Variants in DPP10 observed in about 807,000 individuals in gnomAD.
DPP10 encodes the protein dipeptidyl peptidase like 10, also known as inactive dipeptidyl peptidase 10.
DPP10 carries 33 observed loss-of-function variants against 120.9 expected under a neutral mutation model. The observed-to-expected ratio is 0.27, with a 90% confidence interval of 0.21 to 0.37. The LOEUF (loss-of-function observed/expected upper bound fraction) is 0.37. DPP10 is among the 10% of genes least tolerant of loss of function. The pLI, the probability that DPP10 is intolerant of heterozygous loss-of-function variation, is 1.00. For missense variants in DPP10, 816 were observed against 942.8 expected (o/e 0.87, Z 1.76); for synonymous variants, 337 against 326.1 (o/e 1.03, Z -0.36).
At position 115,489,967 on chromosome 2, in the gene DPP10, A is replaced by T. The variant is rs994874416; in HGVS notation, c.272-9543A>T. Reference sequence around the variant, plus strand: ...AACCCCCTTTAATCTTGATTCAAGCATTTATTTCTTCTGACTTCAAATATT... The same window carrying T: ...AACCCCCTTTAATCTTGATTCAAGCTTTTATTTCTTCTGACTTCAAATATT... On this transcript the variant is annotated intron_variant, in intron 3 of 25. Coordinates refer to ENST00000410059, the MANE Select transcript of DPP10 (RefSeq NM_020868.6). Among the ~76,000 whole-genome samples the T allele has an allele frequency of 1.3e-3, 193 of 152,254 alleles. 2 individuals are homozygous for T. Among genetic ancestry groups the T allele is most frequent in the African/African-American group, 4.6e-3 (190 of 41,566 alleles).
chr2:115,731,228 C>A lies in DPP10; in HGVS notation c.697+3292C>A, dbSNP rs140525490. Among the ~76,000 whole-genome samples, 142 of 152,124 alleles carry A rather than the reference C, an allele frequency of 9.3e-4. No individual in the cohort carries two copies. The East Asian group carries it at 0.019, about 20-fold the overall frequency. On this transcript the variant is annotated intron_variant, in intron 8 of 25. Transcript: ENST00000410059. ...CAAAAATTAGCTGGGCATGCTGGTG[C>A]GTACCTGTAATCCCAGCTACTCGGG...
intron 1 of DPP10, among the ~76,000 whole-genome samples, chr2:114,725,108 C>A (rs570002321): frequency 6.6e-6 from 1 of 152,130 alleles, no homozygotes; most frequent in Non-Finnish European, 1.5e-5. Context: ...CCTTTGAAAA[C>A]CTGCTTGTAA....
chr2:115,217,168 A>G (rs1338167910), intron 1 of DPP10, among the ~76,000 whole-genome samples: 1 of 152,188 alleles, frequency 6.6e-6, no homozygotes, highest in African/African-American at 2.4e-5. Flanking sequence ...ATAGGTTTTG[A>G]ACATTTTAGT....
chr2:115,657,619 A>G (rs74645473), intron 5 of DPP10, among the ~76,000 whole-genome samples: 7,329 of 151,868 alleles, frequency 0.048, 389 homozygotes, highest in African/African-American at 0.13. Context: ...CTTCTTCATA[A>G]TTTAAATTAA....
At chr2:115,576,736 C>T (rs2081685432) in intron 5 of DPP10, among the ~76,000 whole-genome samples, 1 of 152,006 alleles carries the variant, frequency 6.6e-6, no homozygotes, top group Non-Finnish European at 1.5e-5. Flanking sequence ...GCACATGTGC[C>T]GAAAGCCACT....
intron 1 of DPP10, among the ~76,000 whole-genome samples, chr2:115,233,457 A>G (rs531429070): frequency 1.7e-4 from 26 of 152,248 alleles, no homozygotes; most frequent in Middle Eastern, 3.4e-3. Context: ...TCTCCCTTCC[A>G]GTCTTTCCCT....
chr2:115,257,989 T>A (rs1392294593), intron 1 of DPP10, among the ~76,000 whole-genome samples: 1 of 152,190 alleles, frequency 6.6e-6, no homozygotes, highest in Non-Finnish European at 1.5e-5. Context: ...TTAAAATATA[T>A]GTACCGTTAT....
At chr2:115,211,189 T>C (rs2056486639) in intron 1 of DPP10, among the ~76,000 whole-genome samples, 3 of 152,052 alleles carry the variant, frequency 2.0e-5, no homozygotes, top group African/African-American at 7.2e-5. Context: ...CAAAATCTTT[T>C]TCTCAGAAAG....
At chr2:115,104,683 A>G (rs1433931119) in intron 1 of DPP10, among the ~76,000 whole-genome samples, 1 of 152,116 alleles carries the variant, frequency 6.6e-6, no homozygotes, top group Non-Finnish European at 1.5e-5. Context: ...TCAAAAATTT[A>G]CTTGATCTTC....
intron 1 of DPP10, chr2:115,161,749 G>T (rs1439661296): frequency 6.6e-6 from 3 of 454,424 alleles, no homozygotes; most frequent in South Asian, 3.9e-5. Context: ...GAGTCAGAGG[G>T]TCTGCGGTGG....
At chr2:115,184,523 C>A (rs926283697) in intron 1 of DPP10, among the ~76,000 whole-genome samples, 18 of 152,156 alleles carry the variant, frequency 1.2e-4, no homozygotes, top group Non-Finnish European at 2.2e-4. Context: ...TGAAGGCTGC[C>A]CTTGAGGAAT....
At chr2:115,701,540 C>T (rs2091889704) in intron 7 of DPP10, among the ~76,000 whole-genome samples, 1 of 151,980 alleles carries the variant, frequency 6.6e-6, no homozygotes, top group Admixed American at 6.6e-5. Flanking sequence ...TGAATTGAAT[C>T]ATTTTGCAGT....
chr2:115,360,975 T>A (rs1197212895), intron 3 of DPP10, among the ~76,000 whole-genome samples: 1 of 151,970 alleles, frequency 6.6e-6, no homozygotes, highest in East Asian at 1.9e-4. Context: ...GCTTGACTGA[T>A]CAGGTCTCCT....
At chr2:115,804,867 A>G (rs141644606) in intron 19 of DPP10, among the ~76,000 whole-genome samples, 1 of 151,988 alleles carries the variant, frequency 6.6e-6, no homozygotes, top group African/African-American at 2.4e-5. Flanking sequence ...CAGTTAGGCT[A>G]CTCGGGGGTC....
chr2:114,959,544 A>C (rs1698459116), intron 1 of DPP10, among the ~76,000 whole-genome samples: 1 of 152,206 alleles, frequency 6.6e-6, no homozygotes, highest in Non-Finnish European at 1.5e-5. Context: ...ATTTATGTAT[A>C]AATTGTATTT....
chr2:115,597,897 T>G (rs1162555049), intron 5 of DPP10, among the ~76,000 whole-genome samples: 1 of 152,094 alleles, frequency 6.6e-6, no homozygotes, highest in African/African-American at 2.4e-5. Flanking sequence ...ATTGTAAAGT[T>G]GTCTATTTCT....
intron 3 of DPP10, among the ~76,000 whole-genome samples, chr2:115,441,562 T>C (rs1324407972): frequency 2.0e-5 from 3 of 152,166 alleles, no homozygotes; most frequent in Non-Finnish European, 2.9e-5. Flanking sequence ...TGCCCTATGG[T>C]TATGTTTGAA....
At chr2:115,014,687 C>T (rs895235917) in intron 1 of DPP10, among the ~76,000 whole-genome samples, 1 of 151,958 alleles carries the variant, frequency 6.6e-6, no homozygotes, top group African/African-American at 2.4e-5. Context: ...GAAATACAAA[C>T]TACCATCAGA....
At chr2:115,538,905 A>G (rs974354166) in intron 5 of DPP10, among the ~76,000 whole-genome samples, 5 of 152,068 alleles carry the variant, frequency 3.3e-5, no homozygotes, top group Non-Finnish European at 5.9e-5. Flanking sequence ...AATATTAATT[A>G]TGTATCATAT....
Sources: allele counts gnomAD v4.1 joint callset (sites outside exome capture counted in the v4.1 genomes callset), GRCh38; gene constraint gnomAD v4.1.1; transcripts MANE v1.5; gene names NCBI Gene and HGNC (gene_info 2026-07-23, HGNC 2026-07-21).